The following ZMAT4 variants were observed in gnomAD, a reference collection of about 807,000 sequenced individuals.
ZMAT4 encodes zinc finger matrin-type 4.
A neutral mutation model predicts 28.7 loss-of-function variants in ZMAT4; 17 were observed. The ratio of observed to expected loss-of-function variants is 0.59; its 90% CI spans 0.41 to 0.89. ZMAT4 has a LOEUF of 0.89. Among genes scored for constraint, ZMAT4 ranks in the 40% least tolerant of loss-of-function variants. The pLI is 0.00. For missense variants in ZMAT4, 240 were observed against 283.8 expected (o/e 0.85, Z 1.11); for synonymous variants, 117 against 109.2 (o/e 1.07, Z -0.44).
At chr8:40,694,685 C>G (rs1438690865) in intron 4 of ZMAT4, among the ~76,000 whole-genome samples, 2 of 152,124 alleles carry the variant, frequency 1.3e-5, no homozygotes, top group Non-Finnish European at 2.9e-5. Flanking sequence ...GCAGCAGCCT[C>G]AGAAGTGAAG....
At chr8:40,584,486 A>G (rs759485815) in intron 5 of ZMAT4, among the ~76,000 whole-genome samples, 1 of 152,232 alleles carries the variant, frequency 6.6e-6, no homozygotes, top group Non-Finnish European at 1.5e-5. Context: ...TAAGGAATAC[A>G]GAATTTATGT....
At chr8:40,540,554 A>G (rs1271869563) in intron 6 of ZMAT4, among the ~76,000 whole-genome samples, 1 of 152,096 alleles carries the variant, frequency 6.6e-6, no homozygotes, top group African/African-American at 2.4e-5. Context: ...CTTCATAATA[A>G]AACTGTAATT....
At chr8:40,798,941 C>A (rs939947338) in intron 2 of ZMAT4, among the ~76,000 whole-genome samples, 2 of 152,140 alleles carry the variant, frequency 1.3e-5, no homozygotes, top group Non-Finnish European at 2.9e-5. Context: ...TCAATTGGGA[C>A]ATATTCCCAG....
chr8:40,816,054 A>C (rs1427665837), intron 2 of ZMAT4, among the ~76,000 whole-genome samples: 1 of 152,124 alleles, frequency 6.6e-6, no homozygotes, highest in Non-Finnish European at 1.5e-5. Flanking sequence ...ACAGATACAC[A>C]GTGCACAGAG....
intron 6 of ZMAT4, among the ~76,000 whole-genome samples, chr8:40,546,465 A>C (rs1803206399): frequency 6.6e-6 from 1 of 152,302 alleles, no homozygotes; most frequent in South Asian, 2.1e-4. Context: ...AATAGACAAA[A>C]AGAAATTGAT....
chr8:40,800,412 A>T (rs1010086490), intron 2 of ZMAT4, among the ~76,000 whole-genome samples: 24 of 152,172 alleles, frequency 1.6e-4, no homozygotes, highest in Admixed American at 9.2e-4. Flanking sequence ...TCTATAGACT[A>T]TCTCATCCAA....
chr8:40,704,178 T>G (rs547457823), intron 3 of ZMAT4, among the ~76,000 whole-genome samples: 1 of 152,360 alleles, frequency 6.6e-6, no homozygotes, highest in East Asian at 1.9e-4. Context: ...TCCAGTGTTA[T>G]GCATGTTGCT....
At chr8:40,849,881 G>A (rs1306705344) in intron 1 of ZMAT4, among the ~76,000 whole-genome samples, 1 of 152,088 alleles carries the variant, frequency 6.6e-6, no homozygotes, top group East Asian at 1.9e-4. Flanking sequence ...TCAACCAAAT[G>A]CCATCAGCAA....
chr8:40,543,660 C>T lies in ZMAT4; in HGVS notation c.675-11422G>A, dbSNP rs556134087. ...AATCTCTAAATTAAGAAGACACTGG[C>T]CGTATAGGCCTTTGGTGAGGAATAA... On this transcript the variant is annotated intron_variant, in intron 6 of 6. Coordinates refer to ENST00000297737, the MANE Select transcript of ZMAT4 (RefSeq NM_024645.3). Among the ~76,000 whole-genome samples, 44 of 152,238 alleles carry T rather than the reference C, an allele frequency of 2.9e-4. 1 individual carries two copies. The highest frequency in any genetic ancestry group is 3.4e-3 in the Middle Eastern group (1 of 294).
intron 2 of ZMAT4, among the ~76,000 whole-genome samples, chr8:40,821,767 G>A (rs747695434): frequency 8.5e-5 from 13 of 152,190 alleles, no homozygotes; most frequent in Non-Finnish European, 1.8e-4. Context: ...CAGTTATAGA[G>A]TTATGCTGCC....
At chr8:40,702,933 T>C (rs1019283449) in intron 3 of ZMAT4, among the ~76,000 whole-genome samples, 9 of 152,170 alleles carry the variant, frequency 5.9e-5, no homozygotes, top group Admixed American at 4.6e-4. Flanking sequence ...GTTGTCTAAA[T>C]TTGTGAATTC....
chr8:40,669,870 A>G (rs1256630910), intron 5 of ZMAT4, among the ~76,000 whole-genome samples: 1 of 152,176 alleles, frequency 6.6e-6, no homozygotes, highest in South Asian at 2.1e-4. Context: ...AAACCTTTAC[A>G]CTGAAAACTA....
At chr8:40,725,738 T>G (rs983891015) in intron 3 of ZMAT4, among the ~76,000 whole-genome samples, 6 of 152,044 alleles carry the variant, frequency 3.9e-5, no homozygotes, top group African/African-American at 1.5e-4. Flanking sequence ...GCCACTGCAC[T>G]CCAGCCTGGT....
chr8:40,739,840 C>T (rs1268821641), intron 3 of ZMAT4, among the ~76,000 whole-genome samples: 1 of 152,156 alleles, frequency 6.6e-6, no homozygotes, highest in Non-Finnish European at 1.5e-5. Flanking sequence ...TATTCCCTCC[C>T]TGTGTCCACA....
intron 1 of ZMAT4, among the ~76,000 whole-genome samples, chr8:40,862,861 C>A (rs1309003139): frequency 1.3e-5 from 2 of 151,642 alleles, no homozygotes; most frequent in Non-Finnish European, 2.9e-5. Context: ...AGGAGATATA[C>A]CTAATGTAAA....
At chr8:40,827,765 G>C (rs1330148142) in intron 1 of ZMAT4, among the ~76,000 whole-genome samples, 1 of 152,206 alleles carries the variant, frequency 6.6e-6, no homozygotes, top group Non-Finnish European at 1.5e-5. Flanking sequence ...CTGGAGTCTA[G>C]CACCTGCTGT....
At chr8:40,875,311 C>T (rs1239843183) in intron 1 of ZMAT4, among the ~76,000 whole-genome samples, 1 of 152,154 alleles carries the variant, frequency 6.6e-6, no homozygotes, top group Non-Finnish European at 1.5e-5. Context: ...TGCATCTTGC[C>T]TTTACCCAGG....
chr8:40,655,765 T>G (rs568184806), intron 5 of ZMAT4, among the ~76,000 whole-genome samples: 1 of 152,086 alleles, frequency 6.6e-6, no homozygotes, highest in Non-Finnish European at 1.5e-5. Flanking sequence ...AAGAATAAAG[T>G]TGGATTCTTA....
intron 5 of ZMAT4, among the ~76,000 whole-genome samples, chr8:40,611,495 C>T (rs1805793822): frequency 6.6e-6 from 1 of 152,158 alleles, no homozygotes; most frequent in South Asian, 2.1e-4. Flanking sequence ...CGCACGCCAC[C>T]ACGCCAGGCT....
Sources: allele counts gnomAD v4.1 joint callset (sites outside exome capture counted in the v4.1 genomes callset), GRCh38; gene constraint gnomAD v4.1.1; transcripts MANE v1.5; gene names NCBI Gene and HGNC (gene_info 2026-07-23, HGNC 2026-07-21).